TENM1: variants seen among roughly 807,000 people sequenced by gnomAD.
TENM1 encodes teneurin transmembrane protein 1.
Under a neutral mutation model 174.8 loss-of-function variants are expected in TENM1, and 35 were observed. The ratio of observed to expected loss-of-function variants is 0.20; its 90% CI spans 0.15 to 0.27. The LOEUF (loss-of-function observed/expected upper bound fraction) is 0.27. Among genes scored for constraint, TENM1 ranks in the 10% least tolerant of loss-of-function variants. The pLI is 1.00. For synonymous variants in TENM1, 781 were observed against 798.7 expected, an observed-to-expected ratio of 0.98 and a Z score of 0.37; for missense variants, 1,633 against 2,130.1, an observed-to-expected ratio of 0.77 and a Z score of 4.59.
intron 3 of TENM1, among the ~76,000 whole-genome samples, chrX:124,887,808 T>C (rs1380616081): frequency 2.7e-5 from 3 of 111,259 alleles, no homozygotes; most frequent in Non-Finnish European, 5.7e-5. Context: ...GCCATTAGGA[T>C]GTCAGTTATA....
the TENM1 span, among the ~76,000 whole-genome samples, chrX:125,037,002 T>C: frequency 3.7e-4 from 41 of 111,904 alleles, no homozygotes; most frequent in Admixed American, 1.8e-3. Context: ...ATACCTTTTG[T>C]GGGGCTTCAC....
chrX:125,144,849 T>C, the TENM1 span, among the ~76,000 whole-genome samples: 3 of 110,213 alleles, frequency 2.7e-5, no homozygotes, highest in East Asian at 5.7e-4. Flanking sequence ...GCGATTCTCC[T>C]GCCTCAGCCT....
the TENM1 span, among the ~76,000 whole-genome samples, chrX:125,170,360 C>A: frequency 2.7e-5 from 3 of 111,446 alleles, no homozygotes; most frequent in African/African-American, 9.8e-5. Flanking sequence ...CCATTCCAAG[C>A]TTTGCTGAAT....
At chrX:125,157,626 C>G in the TENM1 span, among the ~76,000 whole-genome samples, 1 of 111,941 alleles carries the variant, frequency 8.9e-6, no homozygotes, top group Non-Finnish European at 1.9e-5. Flanking sequence ...AACGAACTAG[C>G]ATGCCTCAAT....
At chrX:125,050,244 T>C in the TENM1 span, among the ~76,000 whole-genome samples, 2 of 109,605 alleles carry the variant, frequency 1.8e-5, no homozygotes, top group African/African-American at 3.3e-5. Flanking sequence ...ATGTGCCACA[T>C]TGGTGTGCTG....
At chrX:125,159,351 A>G in the TENM1 span, among the ~76,000 whole-genome samples, 1 of 111,760 alleles carries the variant, frequency 8.9e-6, no homozygotes, top group Admixed American at 9.5e-5. Context: ...GTTTCTAAAA[A>G]TTTACTCTTT....
At chrX:124,798,605 T>C (rs568932237) in intron 3 of TENM1, among the ~76,000 whole-genome samples, 1 of 111,650 alleles carries the variant, frequency 9.0e-6, no homozygotes, top group Admixed American at 9.5e-5. Context: ...GTCAGATGGG[T>C]AGATTGCAAA....
chrX:124,511,727 T>C (rs1157679653), intron 18 of TENM1, among the ~76,000 whole-genome samples: 1 of 112,479 alleles, frequency 8.9e-6, no homozygotes, highest in African/African-American at 3.2e-5. Context: ...ATTCAGTGGA[T>C]GCTATTTTTG....
intron 6 of TENM1, among the ~76,000 whole-genome samples, chrX:124,657,686 C>A (rs1479840114): frequency 9.0e-6 from 1 of 111,371 alleles, no homozygotes; most frequent in Non-Finnish European, 1.9e-5. Flanking sequence ...ATGCAAAACT[C>A]GGTTGAATAT....
At chrX:124,615,336 G>A (rs967957131) in intron 11 of TENM1, among the ~76,000 whole-genome samples, 1 of 111,406 alleles carries the variant, frequency 9.0e-6, no homozygotes, top group Non-Finnish European at 1.9e-5. Flanking sequence ...GTCTGTGGAG[G>A]GCGAACTGTA....
chrX:125,166,168 A>C, the TENM1 span, among the ~76,000 whole-genome samples: 32 of 111,568 alleles, frequency 2.9e-4, no homozygotes, highest in African/African-American at 9.7e-4. Context: ...AACAACATGT[A>C]AGTTCAAAGG....
chrX:124,683,152 G>C (rs1008515098), intron 5 of TENM1, among the ~76,000 whole-genome samples: 2 of 111,571 alleles, frequency 1.8e-5, no homozygotes, highest in African/African-American at 6.5e-5. Context: ...GGATATTTTG[G>C]AAAGAACACA....
At chrX:124,660,333 C>T (rs1285301892) in intron 6 of TENM1, among the ~76,000 whole-genome samples, 1 of 107,055 alleles carries the variant, frequency 9.3e-6, no homozygotes, top group African/African-American at 3.4e-5. Flanking sequence ...CGAGATCGCA[C>T]CACTGCACTC....
At chrX:124,627,609 C>A (rs756339416) in intron 11 of TENM1, among the ~76,000 whole-genome samples, 5 of 111,739 alleles carry the variant, frequency 4.5e-5, no homozygotes, top group Non-Finnish European at 9.4e-5. Flanking sequence ...TTATACAGCA[C>A]ACATGATTTT....
chrX:125,139,857 CGGAGAGAG>C, the TENM1 span, among the ~76,000 whole-genome samples: 7,013 of 71,918 alleles, frequency 0.098, 302 homozygotes, highest in Middle Eastern at 0.12. Context: ...CACACACACA[CGGAGAGAG>C]AGAGAGAGAG....
chrX:124,620,610 C>T (rs988471949), intron 11 of TENM1, among the ~76,000 whole-genome samples: 4 of 112,088 alleles, frequency 3.6e-5, no homozygotes, highest in Non-Finnish European at 5.6e-5. Flanking sequence ...CTGTTGCACA[C>T]TTAAGATGTA....
intron 1 of TENM1, among the ~76,000 whole-genome samples, chrX:124,936,119 T>C (rs900732628): frequency 2.6e-4 from 29 of 111,923 alleles, no homozygotes; most frequent in African/African-American, 9.1e-4. Flanking sequence ...CCAATCAATA[T>C]AGTCCCATTA....
chrX:124,712,734 G>A (rs1267433143), intron 4 of TENM1, among the ~76,000 whole-genome samples: 2 of 111,369 alleles, frequency 1.8e-5, no homozygotes, highest in African/African-American at 6.5e-5. Flanking sequence ...TGCCCACCTC[G>A]GCCTCCCAAA....
At chrX:124,437,104 ATTTTTTTTTTTTT>A (rs35632932) in intron 23 of TENM1, among the ~76,000 whole-genome samples, 2 of 34,910 alleles carry the variant, frequency 5.7e-5, no homozygotes, top group African/African-American at 1.2e-4. Flanking sequence ...TGCTCGGCTA[ATTTTTTTTTTTTT>A]TTTTTTTTTT....
Sources: allele counts gnomAD v4.1 joint callset (sites outside exome capture counted in the v4.1 genomes callset), GRCh38; gene constraint gnomAD v4.1.1; transcripts MANE v1.5; gene names NCBI Gene and HGNC (gene_info 2026-07-23, HGNC 2026-07-21).